Variants in SLC2A8 observed in about 807,000 individuals in gnomAD.
The protein encoded by SLC2A8 is solute carrier family 2, facilitated glucose transporter member 8.
A neutral mutation model predicts 49.2 loss-of-function variants in SLC2A8; 53 were observed. The ratio of observed to expected loss-of-function variants is 1.08; its 90% confidence interval spans 0.86 to 1.35. The LOEUF is 1.35. Ranked by LOEUF, SLC2A8 falls within the 40% of genes most tolerant of loss-of-function variation. The pLI is 0.00. For missense variants in SLC2A8, 688 were observed against 671.7 expected (o/e 1.02, Z -0.27); for synonymous variants, 299 against 297.0 (o/e 1.01, Z -0.07).
chr9:127,400,662 C>T (rs1221866256), intron 4 of SLC2A8, among the ~76,000 whole-genome samples: 1 of 152,126 alleles, frequency 6.6e-6, no homozygotes, highest in Non-Finnish European at 1.5e-5. Context: ...GAGCAAGTCC[C>T]CTGAGAATGT....
Position 127,405,547 on chromosome 9 carries a change from G to A in SLC2A8, c.1278G>A (p.Lys426=), listed in dbSNP as rs1405749324. The change falls in exon 9 of 10, where the codon AAG becomes AAA. Residue 426 remains lysine, a synonymous_variant. Transcript: ENST00000373371. ...GGCTCATGGCCTTTCTCGTGACCAA[G>A]GAGTTCAGCAGCCTCATGGTGAGGG... ...TNWLMAFLVT[K]EFSSLMEVLR... 1 of 1,613,078 alleles carries A rather than the reference G, an allele frequency of 6.2e-7. No individual in the cohort carries two copies. The highest frequency in any genetic ancestry group is 1.3e-5 in the African/African-American group (1 of 74,952).
chr9:127,404,089 G>C (rs781612311), intron 7 of SLC2A8, 22 bp downstream of exon 7: 1 of 1,499,938 alleles, frequency 6.7e-7, no homozygotes, highest in Non-Finnish European at 9.0e-7. Context: ...CCCCTGTGCA[G>C]CCTCCCCGCC....
Position 127,399,782 on chromosome 9 carries a change from T to C in SLC2A8, c.427-125T>C. The stretch of plus-strand genomic sequence containing the variant: ...TTTTAGTAGAGATGGGGTTTCTCCC[T>C]GTTGGTCAGGCCAGTCTCAAACTCC... On this transcript the variant is annotated intron_variant, in intron 3 of 9. Coordinates refer to ENST00000373371, the MANE Select transcript of SLC2A8 (RefSeq NM_014580.5). The surrounding 1 kb of genome is among the most constrained non-coding windows in gnomAD (Gnocchi z 4.2). 1.5e-6 allele frequency: 1 copy of C among 675,514 alleles called. No individual in the cohort carries two copies. The highest frequency in any genetic ancestry group is 2.5e-5 in the Admixed American group (1 of 40,486). The allele number at this position is 675,514 out of a possible 1,614,324, so 41.8% of individuals were successfully genotyped here.
intron 8 of SLC2A8, 104 bp downstream of exon 8, chr9:127,405,095 T>A: frequency 3.2e-6 from 4 of 1,256,214 alleles, no homozygotes; most frequent in Non-Finnish European, 4.4e-6. Flanking sequence ...TCACCTCTCC[T>A]CTCGTAAGTT....
chr9:127,399,451 G>C lies in SLC2A8; in HGVS notation c.427-456G>C, dbSNP rs532285527. ...GGGGATGGCTCTGCTCACCTAGGCAGGTTCCACTAAGGGGCTTCAGGGCCT... is the reference window on the plus strand; with the variant it reads ...GGGGATGGCTCTGCTCACCTAGGCACGTTCCACTAAGGGGCTTCAGGGCCT... On this transcript the variant is annotated intron_variant, in intron 3 of 9. Transcript: ENST00000373371. The surrounding 1 kb of genome is among the most constrained non-coding windows in gnomAD (Gnocchi z 4.2). Among the ~76,000 whole-genome samples the C allele has an allele frequency of 6.6e-6, 1 of 152,274 alleles. No individual in the cohort carries two copies. The highest frequency in any genetic ancestry group is 2.4e-5 in the African/African-American group (1 of 41,536).
At position 127,404,968 on chromosome 9, in the gene SLC2A8, G is replaced by A. The variant is rs201395512; in HGVS notation, c.1127G>A (p.Gly376Asp). Residue 376 changes from glycine to aspartate, a missense_variant, in exon 8 of 10, where the codon GGC becomes GAC. Gly to Asp is a moderately conservative substitution (Grantham distance 94). Transcript: ENST00000373371. Reference sequence around the variant, plus strand: ...GTGGGGCTGGCCTGGCTGGCCGTGGGCAGCATGTGCCTCTTCATCGCCGGT... The same window carrying A: ...GTGGGGCTGGCCTGGCTGGCCGTGGACAGCATGTGCCTCTTCATCGCCGGT... ...ASVGLAWLAV[G>D]SMCLFIAGFA... is the part of the protein sequence containing the mutation. 2.0e-4 allele frequency: 316 copies of A among 1,607,352 alleles called. 2 individuals carry two copies. Among genetic ancestry groups the A allele is most frequent in the South Asian group, 8.9e-4 (81 of 91,000 alleles).
At chr9:127,402,815 C>G in intron 5 of SLC2A8, 62 bp downstream of exon 5, 1 of 1,457,788 alleles carries the variant, frequency 6.9e-7, no homozygotes, top group South Asian at 1.4e-5. Context: ...GGTAGCACAG[C>G]CTGTTCCCAA....
intron 4 of SLC2A8, among the ~76,000 whole-genome samples, chr9:127,400,547 G>T (rs1833245460): frequency 6.6e-6 from 1 of 152,168 alleles, no homozygotes; most frequent in African/African-American, 2.4e-5. Flanking sequence ...GGTGTGGGAA[G>T]GGCTGACTGC....
Position 127,401,163 on chromosome 9 carries a change from C to T in SLC2A8, c.526+1157C>T, listed in dbSNP as rs73590595. ...CTGAGTTTGGGGATAGCCTCTCCTA[C>T]GTGCTGTGTGACCTTGGCCAAGTCA... is the stretch of plus-strand genomic sequence containing the variant. On this transcript the variant is annotated intron_variant, in intron 4 of 9. Coordinates refer to ENST00000373371, the MANE Select transcript of SLC2A8 (RefSeq NM_014580.5). 3.8e-3 allele frequency among the ~76,000 whole-genome samples: 584 copies of T among 152,312 alleles called. 1 individual carries two copies. The highest frequency in any genetic ancestry group is 0.014 in the African/African-American group (563 of 41,564).
Position 127,405,467 on chromosome 9 carries a change from A to C in SLC2A8, c.1198A>C (p.Ile400Leu). ...CATCCCCTGGCTCCTCATGTCAGAG[A>C]TCTTCCCTCTGCATGTCAAGGGCGT... The part of the protein sequence containing the change: ...GPIPWLLMSE[I>L]FPLHVKGVAT... Residue 400 changes from isoleucine to leucine, a missense_variant, in exon 9 of 10, where the codon ATC (isoleucine) becomes CTC (leucine). By Grantham distance (5) the Ile-to-Leu change is conservative (BLOSUM62 2). Transcript: ENST00000373371. 1 of 1,598,216 alleles carries C rather than the reference A, an allele frequency of 6.3e-7. No individual in the cohort carries two copies. Among genetic ancestry groups the C allele is most frequent in the Non-Finnish European group, 8.6e-7 (1 of 1,166,482 alleles).
intron 3 of SLC2A8, chr9:127,398,478 G>C: frequency 2.0e-6 from 1 of 505,210 alleles, no homozygotes; most frequent in Non-Finnish European, 3.8e-6. Flanking sequence ...CTACATTTTG[G>C]TTTTCATCCC....
In SLC2A8 at chr9:127,407,561, G is replaced by T; in HGVS notation, c.*312G>T. 2.2e-6 allele frequency: 1 copy of T among 460,250 alleles called. No individual in the cohort carries two copies. Among genetic ancestry groups the T allele is most frequent in the South Asian group, 1.7e-5 (1 of 57,190 alleles). The allele number at this position is 460,250 out of a possible 1,614,324, so 28.5% of individuals were successfully genotyped here. The stretch of plus-strand genomic sequence containing the variant: ...CCTCTAGGATCTTTGTCTTCTGGCT[G>T]GAGGTGCTTTTGGAGGTTGGGTGCT... On this transcript the variant is annotated 3_prime_UTR_variant, in exon 10 of 10. Coordinates refer to ENST00000373371, the MANE Select transcript of SLC2A8 (RefSeq NM_014580.5).
Position 127,407,362 on chromosome 9 carries a change from A to G in SLC2A8, c.*113A>G. On this transcript the variant is annotated 3_prime_UTR_variant, in exon 10 of 10. Transcript: ENST00000373371. ...CCAGCCCCTTGGAGCCTTGGTCTGC[A>G]GGGTCCCTCCTTCCTGTCATGCTCC... 1.5e-6 allele frequency: 2 copies of G among 1,361,766 alleles called. No individual in the cohort carries two copies. Among genetic ancestry groups the G allele is most frequent in the Non-Finnish European group, 2.1e-6 (2 of 955,948 alleles). The allele number at this position is 1,361,766 out of a possible 1,614,324, so 84.4% of individuals were successfully genotyped here. A position where few individuals can be genotyped will look rare whatever the true frequency, so the allele number is the denominator to read the frequency against.
intron 4 of SLC2A8, among the ~76,000 whole-genome samples, 158 bp downstream of exon 4, chr9:127,400,164 G>GTTTTTTTTTTTTTT (rs1564214930): frequency 6.0e-4 from 68 of 113,928 alleles, no homozygotes; most frequent in South Asian, 1.7e-3. Flanking sequence ...GGATAGGTGA[G>GTTTTTTTTTTTTTT]TCTTTTTTTT....
chr9:127,404,624 CT>C (rs1300653391), intron 7 of SLC2A8, 193 bp from the exon 8 acceptor site: 55 of 609,614 alleles, frequency 9.0e-5, no homozygotes, highest in Non-Finnish European at 4.2e-5. Flanking sequence ...GCTCCGGGAA[CT>C]TTTTGCAGTT....
At chr9:127,400,115 C>G in intron 4 of SLC2A8, 109 bp downstream of exon 4, 1 of 828,648 alleles carries the variant, frequency 1.2e-6, no homozygotes, top group South Asian at 1.6e-5. Context: ...GTCACATAGC[C>G]AGTGCCCAAC....
chr9:127,405,195 G>C (rs1009078941), intron 8 of SLC2A8, among the ~76,000 whole-genome samples: 1 of 152,184 alleles, frequency 6.6e-6, no homozygotes, highest in African/African-American at 2.4e-5. Context: ...AGCAGCCCTC[G>C]AGCAGGCCCC....
Position 127,397,938 on chromosome 9 carries a change from G to A in SLC2A8, c.253G>A (p.Val85Met). 6.5e-7 allele frequency: 1 copy of A among 1,532,892 alleles called. No individual in the cohort carries two copies. The highest frequency in any genetic ancestry group is 2.5e-5 in the East Asian group (1 of 40,784). The allele number at this position is 1,532,892 out of a possible 1,614,324, so 95.0% of individuals were successfully genotyped here. Reference protein sequence around the residue: ...VVTLGAAAGGVLGGWLVDRAG... With the variant: ...VVTLGAAAGGMLGGWLVDRAG... The stretch of plus-strand genomic sequence containing the variant: ...GACCCTGGGTGCCGCGGCGGGGGGA[G>A]TGCTGGGCGGCTGGCTGGTGGACCG... Residue 85 changes from valine (V) to methionine (M), a missense_variant, in exon 3 of 10, where the codon GTG becomes ATG. By Grantham distance (21) the Val-to-Met change is conservative. Coordinates refer to ENST00000373371, the MANE Select transcript of SLC2A8 (RefSeq NM_014580.5).
intron 9 of SLC2A8, 86 bp from the exon 10 acceptor site, chr9:127,407,026 C>A (rs1431808707): frequency 1.3e-6 from 2 of 1,510,340 alleles, no homozygotes; most frequent in Non-Finnish European, 1.8e-6. Flanking sequence ...GGGACTGGAC[C>A]CCCTGGTGGC....
Sources: gnomAD v4.1 joint callset for allele counts (sites outside exome capture counted in the v4.1 genomes callset) on GRCh38, gnomAD v4.1.1 for gene constraint, Gnocchi (gnomAD v3.1) non-coding constraint, MANE v1.5 for transcripts, NCBI Gene and HGNC (gene_info 2026-07-23, HGNC 2026-07-21) for gene names.